Variants in SNTG1 observed in about 807,000 individuals in gnomAD.
SNTG1 encodes the protein gamma-1-syntrophin.
A neutral mutation model predicts 74.7 loss-of-function variants in SNTG1; 39 were observed. That is an observed-to-expected ratio of 0.52 (90% CI 0.40 to 0.68). The LOEUF (loss-of-function observed/expected upper bound fraction) is 0.68, where lower values mean the gene tolerates loss of function less well. Among genes scored for constraint, SNTG1 ranks in the 30% least tolerant of loss-of-function variants. The pLI is 0.00. For missense variants in SNTG1, 685 were observed against 609.5 expected (o/e 1.12, Z -1.30); for synonymous variants, 254 against 217.1 (o/e 1.17, Z -1.49).
chr8:49,928,055 G>A (rs1371573431), intron 1 of SNTG1, among the ~76,000 whole-genome samples: 1 of 149,684 alleles, frequency 6.7e-6, no homozygotes, highest in African/African-American at 2.5e-5. Context: ...CTTGAATCCG[G>A]GAGGCGGAGG....
At chr8:50,695,912 G>A (rs988148665) in intron 15 of SNTG1, among the ~76,000 whole-genome samples, 2 of 151,642 alleles carry the variant, frequency 1.3e-5, no homozygotes, top group African/African-American at 4.8e-5. Context: ...ATTTTGAATA[G>A]TGCTGTGATA....
At chr8:50,409,338 C>A (rs1245521867) in intron 4 of SNTG1, among the ~76,000 whole-genome samples, 1 of 152,116 alleles carries the variant, frequency 6.6e-6, no homozygotes, top group Non-Finnish European at 1.5e-5. Context: ...TACTGCTTTC[C>A]CCCAGTGCCT....
Position 50,483,671 on chromosome 8 carries a change from G to A in SNTG1, c.364-19107G>A, listed in dbSNP as rs983672285. 3.9e-5 allele frequency among the ~76,000 whole-genome samples: 6 copies of A among 152,246 alleles called. No individual in the cohort carries two copies. In the South Asian group the frequency reaches 1.0e-3, roughly 26 times the overall value. On this transcript the variant is annotated intron_variant, in intron 8 of 18. Transcript: ENST00000642720. ...CAGTATATGGCAGGGAACAGTGTAAGCAATTCTACAATATTTACTTCTTAG... is the reference window on the plus strand; with the variant it reads ...CAGTATATGGCAGGGAACAGTGTAAACAATTCTACAATATTTACTTCTTAG...
intron 1 of SNTG1, among the ~76,000 whole-genome samples, chr8:49,912,689 T>C (rs1190248591): frequency 6.6e-6 from 1 of 152,178 alleles, no homozygotes; most frequent in East Asian, 1.9e-4. Flanking sequence ...AACAAATACA[T>C]GTATACATAT....
At chr8:50,406,224 A>C (rs953760794) in intron 4 of SNTG1, among the ~76,000 whole-genome samples, 1 of 152,136 alleles carries the variant, frequency 6.6e-6, no homozygotes, top group Admixed American at 6.5e-5. Context: ...TTCTTTTAGC[A>C]ATGTTTTGTT....
chr8:50,078,072 T>G (rs773127752), intron 1 of SNTG1, among the ~76,000 whole-genome samples: 2 of 152,190 alleles, frequency 1.3e-5, no homozygotes. Flanking sequence ...GTCATGTTTG[T>G]TGAAAATCAC....
At chr8:50,490,257 CT>C (rs1303157039) in intron 8 of SNTG1, among the ~76,000 whole-genome samples, 2 of 151,982 alleles carry the variant, frequency 1.3e-5, no homozygotes, top group African/African-American at 2.4e-5. Flanking sequence ...TATATGAGCT[CT>C]TTTTTGGTTC....
chr8:50,345,609 A>G (rs1214011384), intron 2 of SNTG1, among the ~76,000 whole-genome samples: 1 of 152,242 alleles, frequency 6.6e-6, no homozygotes, highest in Non-Finnish European at 1.5e-5. Flanking sequence ...ATCAACTGCC[A>G]TAATTGCATT....
chr8:50,500,305 T>G (rs2093940476), intron 8 of SNTG1, among the ~76,000 whole-genome samples: 1 of 151,882 alleles, frequency 6.6e-6, no homozygotes, highest in Non-Finnish European at 1.5e-5. Context: ...TCTTTGTTAA[T>G]TCTACTCTCT....
intron 17 of SNTG1, among the ~76,000 whole-genome samples, chr8:50,733,087 C>G (rs1376397289): frequency 6.6e-6 from 1 of 151,860 alleles, no homozygotes; most frequent in East Asian, 1.9e-4. Context: ...CAACCCCCTC[C>G]CTACCCCTCT....
intron 1 of SNTG1, among the ~76,000 whole-genome samples, chr8:50,007,984 T>A (rs1326918137): frequency 6.6e-6 from 1 of 152,012 alleles, no homozygotes; most frequent in Non-Finnish European, 1.5e-5. Flanking sequence ...CATCAGATTT[T>A]GAACTCACTA....
rs568181986 is a variant in SNTG1 at position 49,940,066 on chromosome 8, T to C, written c.-103+27835T>C. On this transcript the variant is annotated intron_variant, in intron 1 of 18. Coordinates refer to ENST00000642720, the MANE Select transcript of SNTG1 (RefSeq NM_018967.5). ...TCTGGGAGTTGACTCCATCAGGCTT[T>C]GGTCTGTATAATCTGGAGTCTGTGA... is the stretch of plus-strand genomic sequence containing the variant. 9.6e-4 allele frequency among the ~76,000 whole-genome samples: 146 copies of C among 152,318 alleles called. 1 individual carries two copies. The highest frequency in any genetic ancestry group is 3.2e-3 in the African/African-American group (134 of 41,572).
At chr8:50,749,401 G>C (rs550148189) in intron 17 of SNTG1, among the ~76,000 whole-genome samples, 2 of 152,054 alleles carry the variant, frequency 1.3e-5, no homozygotes, top group Non-Finnish European at 2.9e-5. Flanking sequence ...AGCAAGTGCT[G>C]ATGGAGAAGC....
chr8:50,714,424 T>A (rs2095470329), intron 17 of SNTG1, among the ~76,000 whole-genome samples: 2 of 151,882 alleles, frequency 1.3e-5, no homozygotes, highest in Admixed American at 1.3e-4. Context: ...AAAAATTCCA[T>A]GTTCATGGAT....
At chr8:50,604,715 A>G (rs570548241) in intron 13 of SNTG1, among the ~76,000 whole-genome samples, 11 of 152,150 alleles carry the variant, frequency 7.2e-5, no homozygotes, top group Non-Finnish European at 1.6e-4. Context: ...AGCCACCACA[A>G]TAGCCTGCTT....
chr8:50,336,060 G>C (rs866255128), intron 2 of SNTG1, among the ~76,000 whole-genome samples: 4 of 152,060 alleles, frequency 2.6e-5, no homozygotes, highest in Non-Finnish European at 5.9e-5. Context: ...TTCAGGAAGG[G>C]TGAGATGAAT....
At chr8:50,047,059 C>T (rs893721822) in intron 1 of SNTG1, among the ~76,000 whole-genome samples, 14 of 151,996 alleles carry the variant, frequency 9.2e-5, no homozygotes, top group South Asian at 2.1e-4. Context: ...TTAGAATATA[C>T]GGTGAAGGTC....
At chr8:50,512,375 A>G (rs2129966960) in intron 9 of SNTG1, among the ~76,000 whole-genome samples, 1 of 151,494 alleles carries the variant, frequency 6.6e-6, no homozygotes, top group South Asian at 2.1e-4. Context: ...AACTTTGGTG[A>G]ATCTGACAAT....
chr8:50,363,693 T>C (rs1449345915), intron 2 of SNTG1, among the ~76,000 whole-genome samples: 1 of 152,166 alleles, frequency 6.6e-6, no homozygotes, highest in African/African-American at 2.4e-5. Flanking sequence ...TAAGAGGACT[T>C]GCAAGTTATA....
Sources: allele counts gnomAD v4.1 joint callset (sites outside exome capture counted in the v4.1 genomes callset), GRCh38; gene constraint gnomAD v4.1.1; transcripts MANE v1.5; gene names NCBI Gene and HGNC (gene_info 2026-07-23, HGNC 2026-07-21).